Variants in DSPP observed in about 807,000 individuals in gnomAD.
The protein encoded by DSPP is deafness, autosomal dominant 39.
A neutral mutation model predicts 29.1 loss-of-function variants in DSPP; 28 were observed. The ratio of observed to expected loss-of-function variants is 0.96; its 90% CI spans 0.71 to 1.32. The LOEUF (loss-of-function observed/expected upper bound fraction) is 1.32. DSPP is among the 40% of genes most tolerant of loss of function. The pLI is 0.00. For synonymous variants in DSPP, 481 were observed against 503.4 expected, an observed-to-expected ratio of 0.96 and a Z score of 0.60; for missense variants, 1,281 against 1,629.9, an observed-to-expected ratio of 0.79 and a Z score of 3.69.
chr4:87,612,072 C>A (rs778741981), intron 2 of DSPP, 33 bp from the exon 3 acceptor site: 21 of 1,592,822 alleles, frequency 1.3e-5, no homozygotes, highest in East Asian at 4.5e-5. Context: ...CAAATAAGAA[C>A]CTTTTCAATA....
In DSPP at chr4:87,616,342, ACAG is replaced by A; in HGVS notation, c.3684_3686del (p.Ser1229del). 6.6e-7 allele frequency: 1 copy of A among 1,514,746 alleles called. No homozygotes were observed. Among genetic ancestry groups the A allele is most frequent in the South Asian group, 1.2e-5 (1 of 80,888 alleles). 93.8% of individuals were successfully genotyped at this position (1,514,746 alleles called of 1,614,324 possible). ...AGCAGCGACAGCAGTGACAGCAGCG[ACAG>A]CAGTGACAGCAATGAAAGCAGCGAC... On this transcript the variant is annotated inframe_deletion, in exon 5 of 5. Transcript: ENST00000651931.
At chr4:87,613,737 G>A (rs1404454592) in intron 4 of DSPP, 48 bp from the exon 5 acceptor site, 6 of 1,613,436 alleles carry the variant, frequency 3.7e-6, no homozygotes, top group Non-Finnish European at 4.2e-6. Flanking sequence ...ATGCAATTTT[G>A]CAGCAAATAT....
chr4:87,615,437 A>G lies in DSPP; in HGVS notation c.2775A>G (p.Glu925=). The change falls in exon 5 of 5, where the codon GAA becomes GAG. Residue 925 remains glutamate (E), a synonymous_variant. Transcript: ENST00000651931. ...SDSSNSSDSS[E]SSNSSDNSNS... Reference sequence around the variant, plus strand: ...GCAGCAACAGCAGTGATAGCAGTGAAAGCAGTAATAGTAGTGACAACAGCA... The same window carrying G: ...GCAGCAACAGCAGTGATAGCAGTGAGAGCAGTAATAGTAGTGACAACAGCA... 2.0e-6 allele frequency: 3 copies of G among 1,528,318 alleles called. No individual in the cohort carries two copies. The highest frequency in any genetic ancestry group is 2.6e-6 in the Non-Finnish European group (3 of 1,139,132). 94.7% of individuals were successfully genotyped at this position (1,528,318 alleles called of 1,614,324 possible). A position where few individuals can be genotyped will look rare whatever the true frequency, so the allele number is the denominator to read the frequency against.
In DSPP at chr4:87,613,852, A is replaced by C. The variant is rs758664081; in HGVS notation, c.1190A>C (p.Glu397Ala). ...ACCAAAGAAGTTGGGAAAGGCAACG[A>C]AGGTAAAGAGGATAAAGGACAACAT... ...NITKEVGKGN[E>A]GKEDKGQHGM... Residue 397 changes from glutamate (E) to alanine (A), a missense_variant, in exon 5 of 5, where the codon GAA (glutamate) becomes GCA (alanine). Coordinates refer to ENST00000651931, the MANE Select transcript of DSPP (RefSeq NM_014208.3). The C allele has an allele frequency of 9.9e-6, 16 of 1,614,062 alleles. No individual in the cohort carries two copies. The South Asian group carries it at 1.6e-4, about 17-fold the overall frequency.
chr4:87,613,890 G>A lies in DSPP; in HGVS notation c.1228G>A (p.Gly410Ser), dbSNP rs763805040. ...TAAAGGACAACATGGAATGATCTTG[G>A]GCAAAGGCAATGTCAAGACACAAGG... ...EDKGQHGMIL[G>S]KGNVKTQGEV... The change falls in exon 5 of 5, where the codon GGC (glycine) becomes AGC (serine). Residue 410 changes from glycine (G) to serine (S), a missense_variant. This residue lies in a region of DSPP where 631 missense variants were observed against 643.2 expected (regional missense o/e 0.98). Coordinates refer to ENST00000651931, the MANE Select transcript of DSPP (RefSeq NM_014208.3). 4 of 1,614,066 alleles carry A rather than the reference G, an allele frequency of 2.5e-6. No individual in the cohort carries two copies. The highest frequency in any genetic ancestry group is 2.2e-5 in the South Asian group (2 of 91,088).
rs1394881569 is a variant in DSPP, at chr4:87,613,892, CA to C, written c.1233del (p.Gly412AlafsTer12). ...DKGQHGMILG[K>X]GNVKTQGEVV... ...AAGGACAACATGGAATGATCTTGGGCAAAGGCAATGTCAAGACACAAGGAGA... is the reference window on the plus strand; with the variant it reads ...AAGGACAACATGGAATGATCTTGGGCAAGGCAATGTCAAGACACAAGGAGA... On this transcript the variant is annotated frameshift_variant, in exon 5 of 5. Coordinates refer to ENST00000651931, the MANE Select transcript of DSPP (RefSeq NM_014208.3). LOFTEE classifies it low-confidence loss of function (END_TRUNC). The C allele has an allele frequency of 1.2e-6, 2 of 1,614,010 alleles. No homozygotes were observed. Among genetic ancestry groups the C allele is most frequent in the African/African-American group, 2.7e-5 (2 of 74,902 alleles).
rs1491292723 is a variant in DSPP, at chr4:87,611,062, T to TGTGTGC, written c.51+104_51+105insTGTGCG. Reference sequence around the variant, plus strand: ...GTGTGTGTGTGTGTGTGTGTGTGTGTGCATGTACATGTGTGTATATATGTG... The same window carrying TGTGTGC: ...GTGTGTGTGTGTGTGTGTGTGTGTGTGTGTGCGCATGTACATGTGTGTATATATGTG... On this transcript the variant is annotated intron_variant, in intron 2 of 4. Coordinates refer to ENST00000651931, the MANE Select transcript of DSPP (RefSeq NM_014208.3). 2.2e-4 allele frequency: 237 copies of TGTGTGC among 1,079,416 alleles called. No individual in the cohort carries two copies. The African/African-American group carries it at 3.3e-3, about 15-fold the overall frequency. The allele number at this position is 1,079,416 out of a possible 1,614,324, so 66.9% of individuals were successfully genotyped here.
chr4:87,614,787 G>A lies in DSPP; in HGVS notation c.2125G>A (p.Asp709Asn), dbSNP rs778195264. ...SESSDSSDSS[D>N]SDSSDSSDSS... ...GAGCAGTGATAGTAGTGACAGCAGT[G>A]ATAGTGACAGCAGTGATAGTAGTGA... Residue 709 changes from aspartate (D) to asparagine (N), a missense_variant, in exon 5 of 5, where the codon GAT (aspartate) becomes AAT (asparagine). Physicochemically the swap from Asp to Asn is conservative, Grantham distance 23. Around this residue, in one of 4 missense-constraint regions of DSPP, gnomAD observed 444 missense variants for 611.4 expected, o/e 0.73. Transcript: ENST00000651931. 6.4e-7 allele frequency: 1 copy of A among 1,550,504 alleles called. No individual in the cohort carries two copies. Among genetic ancestry groups the A allele is most frequent in the Non-Finnish European group, 8.7e-7 (1 of 1,146,692 alleles).
intron 1 of DSPP, among the ~76,000 whole-genome samples, chr4:87,609,310 G>T (rs115633159): frequency 6.6e-6 from 1 of 152,268 alleles, no homozygotes; most frequent in Non-Finnish European, 1.5e-5. Context: ...AACTGGACAC[G>T]CATCACTCTG....
At chr4:87,608,786 C>T (rs779023746) in intron 1 of DSPP, among the ~76,000 whole-genome samples, 166 bp downstream of exon 1, 7 of 152,014 alleles carry the variant, frequency 4.6e-5, no homozygotes, top group Non-Finnish European at 8.8e-5. Flanking sequence ...TAAAAGATAA[C>T]GGACAATTAC....
At chr4:87,611,014 C>T (rs1324680404) in intron 2 of DSPP, 55 bp downstream of exon 2, 2 of 1,431,162 alleles carry the variant, frequency 1.4e-6, no homozygotes, top group East Asian at 2.3e-5. Flanking sequence ...TTTAACCTAA[C>T]ATTAATACAA....
Position 87,612,195 on chromosome 4 carries a change from G to C in DSPP, c.135+7G>C. ...ATCAAATGTGTCAGTACAGGTATAG[G>C]ATGTAATATATTTCATTTTATTTCC... On this transcript the variant is annotated splice_region_variant and intron_variant, in intron 3 of 4. Coordinates refer to ENST00000651931, the MANE Select transcript of DSPP (RefSeq NM_014208.3). The C allele has an allele frequency of 1.9e-6, 3 of 1,613,852 alleles. No homozygotes were observed. Among genetic ancestry groups the C allele is most frequent in the Non-Finnish European group, 2.5e-6 (3 of 1,179,836 alleles).
At chr4:87,610,428 C>T (rs541128529) in intron 1 of DSPP, among the ~76,000 whole-genome samples, 5 of 152,306 alleles carry the variant, frequency 3.3e-5, no homozygotes, top group South Asian at 4.1e-4. Flanking sequence ...TTTCCACTAG[C>T]GTAGGCTCCC....
intron 2 of DSPP, among the ~76,000 whole-genome samples, chr4:87,611,660 C>T (rs1486147757): frequency 1.4e-4 from 22 of 152,232 alleles, no homozygotes; most frequent in Admixed American, 1.4e-3. Flanking sequence ...AGTATACTAG[C>T]GTAATACTTG....
chr4:87,612,373 G>A lies in DSPP; in HGVS notation c.187G>A (p.Glu63Lys). Residue 63 changes from glutamate to lysine, a missense_variant, in exon 4 of 5, where the codon GAA (glutamate) becomes AAA (lysine). By Grantham distance (56) the Glu-to-Lys change is moderately conservative (BLOSUM62 1). Transcript: ENST00000651931. ...CAAAGAAAGTGGTGTCCTGGTGCAT[G>A]AAGGTGATAGAGGAAGGCAAGAGAA... ...TIKESGVLVH[E>K]GDRGRQENTQ... 1 of 1,614,150 alleles carries A rather than the reference G, an allele frequency of 6.2e-7. No individual in the cohort carries two copies. Among genetic ancestry groups the A allele is most frequent in the Non-Finnish European group, 8.5e-7 (1 of 1,180,004 alleles).
rs1727791880 is a variant in DSPP at position 87,613,866 on chromosome 4, A to G, written c.1204A>G (p.Lys402Glu). ...GAAAGGCAACGAAGGTAAAGAGGAT[A>G]AAGGACAACATGGAATGATCTTGGG... ...VGKGNEGKED[K>E]GQHGMILGKG... Residue 402 changes from lysine (K) to glutamate (E), a missense_variant, in exon 5 of 5, where the codon AAA becomes GAA. This residue lies in a region of DSPP where 631 missense variants were observed against 643.2 expected (regional missense o/e 0.98). Coordinates refer to ENST00000651931, the MANE Select transcript of DSPP (RefSeq NM_014208.3). The G allele has an allele frequency of 6.2e-7, 1 of 1,614,242 alleles. No individual in the cohort carries two copies. The highest frequency in any genetic ancestry group is 8.5e-7 in the Non-Finnish European group (1 of 1,180,040).
chr4:87,610,101 C>T (rs1317005014), intron 1 of DSPP, among the ~76,000 whole-genome samples: 1 of 152,138 alleles, frequency 6.6e-6, no homozygotes, highest in East Asian at 1.9e-4. Flanking sequence ...AAGACACTCT[C>T]CTGGGCCTCA....
Position 87,615,475 on chromosome 4 carries a change from G to A in DSPP, c.2813G>A (p.Ser938Asn). The change falls in exon 5 of 5, where the codon AGC becomes AAC. Residue 938 changes from serine (S) to asparagine (N), a missense_variant. Ser to Asn is a conservative substitution (Grantham distance 46). This residue lies in a region of DSPP where 444 missense variants were observed against 611.4 expected (regional missense o/e 0.73). Coordinates refer to ENST00000651931, the MANE Select transcript of DSPP (RefSeq NM_014208.3). ...AGTGACAACAGCAATAGCAGTGACAGCAGCAACAGCAGTGACAGCAGTGAT... is the reference window on the plus strand; with the variant it reads ...AGTGACAACAGCAATAGCAGTGACAACAGCAACAGCAGTGACAGCAGTGAT... ...NSSDNSNSSDSSNSSDSSDSS... is the reference protein window; with the variant it reads ...NSSDNSNSSDNSNSSDSSDSS... The A allele has an allele frequency of 6.4e-7, 1 of 1,551,088 alleles. No individual in the cohort carries two copies.
Position 87,612,881 on chromosome 4 carries a change from G to C in DSPP, c.695G>C (p.Gly232Ala), listed in dbSNP as rs754856151. ...NGTKEAEVTP[G>A]TGEDAGLDNS... ...ACTAAGGAAGCTGAGGTAACACCAG[G>C]CACTGGAGAAGATGCTGGCCTGGAT... Residue 232 changes from glycine (G) to alanine (A), a missense_variant, in exon 4 of 5, where the codon GGC (glycine) becomes GCC (alanine). Physicochemically the swap from Gly to Ala is moderately conservative, Grantham distance 60. Around this residue, in one of 4 missense-constraint regions of DSPP, gnomAD observed 631 missense variants for 643.2 expected, o/e 0.98. Coordinates refer to ENST00000651931, the MANE Select transcript of DSPP (RefSeq NM_014208.3). The C allele has an allele frequency of 2.5e-6, 4 of 1,614,038 alleles. No homozygotes were observed. Among genetic ancestry groups the C allele is most frequent in the Non-Finnish European group, 3.4e-6 (4 of 1,180,030 alleles).
Sources: gnomAD v4.1 joint callset for allele counts (sites outside exome capture counted in the v4.1 genomes callset) on GRCh38, gnomAD v4.1.1 for gene constraint, gnomAD v4.1.1 regional missense constraint, MANE v1.5 for transcripts, NCBI Gene and HGNC (gene_info 2026-07-23, HGNC 2026-07-21) for gene names.